KIAA0753: variants seen among roughly 807,000 people sequenced by gnomAD.
KIAA0753 encodes protein moonraker.
Under a neutral mutation model 116.9 loss-of-function variants are expected in KIAA0753, and 114 were observed. The ratio of observed to expected loss-of-function variants is 0.98; its 90% CI spans 0.84 to 1.14. KIAA0753 has a LOEUF of 1.14. Among genes scored for constraint, KIAA0753 ranks in the 50% most tolerant of loss-of-function variants. The pLI, the probability that KIAA0753 is intolerant of heterozygous loss-of-function variation, is 0.00. For synonymous variants in KIAA0753, 405 were observed against 413.1 expected (o/e 0.98, Z 0.24); for missense variants, 1,156 against 1,172.4 (o/e 0.99, Z 0.20).
At position 6,639,741 on chromosome 17, in the gene KIAA0753, G is replaced by C. The variant is rs765203399; in HGVS notation, c.-69+896C>G. The C allele has an allele frequency of 6.5e-6, 1 of 152,756 alleles. No homozygotes were observed. The highest frequency in any genetic ancestry group is 1.9e-4 in the East Asian group (1 of 5,174). 9.5% of individuals were successfully genotyped at this position (152,756 alleles called of 1,614,324 possible). On this transcript the variant is annotated intron_variant, in intron 1 of 18. Transcript: ENST00000361413. This position sits in a 1 kb window ranked among gnomAD's most constrained non-coding sequence, Gnocchi z 4.3. ...CGACAGGTCCCTCTCCTGCAGGCAC[G>C]GGATGGAGCTCGACTCTACTTCCTT...
rs1333855921 is a variant in KIAA0753 at position 6,635,101 on chromosome 17, CATA to C, written c.-1_2del. On this transcript the variant is annotated start_lost and start_retained_variant and 5_prime_UTR_variant, in exon 2 of 19. Coordinates refer to ENST00000361413, the MANE Select transcript of KIAA0753 (RefSeq NM_014804.3). ...AGGTTGAAGCTGGCTGGCCTGGTCC[CATA>C]ATGTCAGGTAGTACAGAACAATAGT... The C allele has an allele frequency of 1.2e-6, 2 of 1,611,514 alleles. No homozygotes were observed. The highest frequency in any genetic ancestry group is 1.7e-6 in the Non-Finnish European group (2 of 1,177,782).
At position 6,623,104 on chromosome 17, in the gene KIAA0753, A is replaced by G. The variant is rs370844133; in HGVS notation, c.889-7T>C. On this transcript the variant is annotated splice_polypyrimidine_tract_variant and splice_region_variant and intron_variant, in intron 5 of 18. Transcript: ENST00000361413. ...GCTTAGACATTGCCCATGACTGGTA[A>G]TAAACAAGATGAGAGAAGTTATTTC... 3.7e-6 allele frequency: 6 copies of G among 1,608,278 alleles called. No individual in the cohort carries two copies. The African/African-American group carries it at 8.0e-5, about 22-fold the overall frequency.
At chr17:6,628,087 G>C (rs536997457) in intron 3 of KIAA0753, 30 bp downstream of exon 3, 2 of 1,588,072 alleles carry the variant, frequency 1.3e-6, no homozygotes, top group Non-Finnish European at 1.7e-6. Context: ...CACAGCCTTA[G>C]GTCGAAGTAA....
At chr17:6,627,235 T>C (rs1364271002) in intron 3 of KIAA0753, among the ~76,000 whole-genome samples, 1 of 152,220 alleles carries the variant, frequency 6.6e-6, no homozygotes, top group African/African-American at 2.4e-5. Flanking sequence ...TCATCCCTAG[T>C]AAATGTTTTT....
chr17:6,630,638 T>C (rs1971968258), intron 2 of KIAA0753, among the ~76,000 whole-genome samples: 1 of 152,196 alleles, frequency 6.6e-6, no homozygotes, highest in Non-Finnish European at 1.5e-5. Flanking sequence ...CTCACTGCTA[T>C]ATTGTTTGTA....
chr17:6,620,644 G>T lies in KIAA0753; in HGVS notation c.1315+144C>A, dbSNP rs1471871167. The T allele has an allele frequency of 5.5e-6, 4 of 730,142 alleles. No individual in the cohort carries two copies. The South Asian group carries it at 6.7e-5, about 12-fold the overall frequency. The allele number at this position is 730,142 out of a possible 1,614,324, so 45.2% of individuals were successfully genotyped here. ...GCCTCCAGCCCCAGGAAACATCTTGGTTGCTATTTACTGATCCTAGTTAAA... is the reference window on the plus strand; with the variant it reads ...GCCTCCAGCCCCAGGAAACATCTTGTTTGCTATTTACTGATCCTAGTTAAA... On this transcript the variant is annotated intron_variant, in intron 7 of 18. Transcript: ENST00000361413.
chr17:6,629,470 A>T (rs1337686920), intron 2 of KIAA0753, among the ~76,000 whole-genome samples: 1 of 152,186 alleles, frequency 6.6e-6, no homozygotes, highest in Non-Finnish European at 1.5e-5. Flanking sequence ...TAATAGAAAT[A>T]TTACCTCAAT....
Position 6,608,463 on chromosome 17 carries a change from C to A in KIAA0753, c.1714G>T (p.Ala572Ser). The A allele has an allele frequency of 6.7e-7, 1 of 1,490,408 alleles. No individual in the cohort carries two copies. The highest frequency in any genetic ancestry group is 9.0e-7 in the Non-Finnish European group (1 of 1,105,984). The allele number at this position is 1,490,408 out of a possible 1,614,324, so 92.3% of individuals were successfully genotyped here. The change falls in exon 10 of 19, where the codon GCT (alanine) becomes TCT (serine). Residue 572 changes from alanine (A) to serine (S), a missense_variant and splice_region_variant. Ala to Ser is a moderately conservative substitution (Grantham distance 99, BLOSUM62 1). Coordinates refer to ENST00000361413, the MANE Select transcript of KIAA0753 (RefSeq NM_014804.3). ...CTAGTTTTCACCTTTAGCCATGCAG[C>A]ACTGAAATAAATGGAAAAGCATACC... ...PTSPPASPKC[A>S]AWLKVKTSPR...
chr17:6,631,617 T>C (rs1972026451), intron 2 of KIAA0753, among the ~76,000 whole-genome samples: 1 of 151,782 alleles, frequency 6.6e-6, no homozygotes, highest in Non-Finnish European at 1.5e-5. Context: ...AGGAAGGAGA[T>C]GAGAAAGTGT....
rs556370008 is a variant in KIAA0753, at chr17:6,620,828, C to T, written c.1275G>A (p.Gln425=). The change falls in exon 7 of 19, where the codon CAG becomes CAA. Residue 425 remains glutamine (Q), a synonymous_variant. Coordinates refer to ENST00000361413, the MANE Select transcript of KIAA0753 (RefSeq NM_014804.3). ...TTGCTACAGAAGGTCGACTTGTTTC[C>T]TGTGGGAATGTGTCCTTTGCTGTGA... is the stretch of plus-strand genomic sequence containing the variant. The part of the protein sequence containing the change: ...RPLTAKDTFP[Q]ETSRPSVAKQ... 6 of 1,614,166 alleles carry T rather than the reference C, an allele frequency of 3.7e-6. No individual in the cohort carries two copies. In the East Asian group the frequency reaches 1.3e-4, roughly 36 times the overall value.
intron 8 of KIAA0753, 45 bp downstream of exon 8, chr17:6,611,874 G>A (rs775563798): frequency 2.5e-5 from 38 of 1,531,904 alleles, no homozygotes; most frequent in Non-Finnish European, 6.3e-6. Context: ...CCTTGACAAT[G>A]TCAGATTAAC....
chr17:6,590,707 G>T, intron 16 of KIAA0753, 77 bp from the exon 17 acceptor site: 1 of 1,518,110 alleles, frequency 6.6e-7, no homozygotes, highest in Non-Finnish European at 9.1e-7. Flanking sequence ...TAGTGGCCAA[G>T]AACCTGAGAG....
intron 2 of KIAA0753, among the ~76,000 whole-genome samples, chr17:6,630,841 T>C (rs955281315): frequency 6.6e-6 from 1 of 152,188 alleles, no homozygotes; most frequent in Non-Finnish European, 1.5e-5. Context: ...AAAAAGTATA[T>C]TTATAATACA....
rs773708871 is a variant in KIAA0753 at position 6,606,893 on chromosome 17, C to T, written c.1989G>A (p.Met663Ile). 1 of 1,613,948 alleles carries T rather than the reference C, an allele frequency of 6.2e-7. No individual in the cohort carries two copies. The highest frequency in any genetic ancestry group is 8.5e-7 in the Non-Finnish European group (1 of 1,179,824). The change falls in exon 12 of 19, where the codon ATG (methionine) becomes ATA (isoleucine). Residue 663 changes from methionine to isoleucine, a missense_variant. Transcript: ENST00000361413. ...KELNELKAEE[M>I]YRLQQLSVSA... Reference sequence around the variant, plus strand: ...CATACCTCAATTGTTGGAGTCTATACATTTCTTCAGCTTTGAGCTCATTCA... The same window carrying T: ...CATACCTCAATTGTTGGAGTCTATATATTTCTTCAGCTTTGAGCTCATTCA...
chr17:6,625,397 T>C (rs1404632107), intron 3 of KIAA0753, among the ~76,000 whole-genome samples: 1 of 152,146 alleles, frequency 6.6e-6, no homozygotes, highest in Non-Finnish European at 1.5e-5. Flanking sequence ...CCAGGAGTGG[T>C]GGCTCACCCC....
chr17:6,590,402 T>G, intron 17 of KIAA0753, 108 bp downstream of exon 17: 1 of 1,368,068 alleles, frequency 7.3e-7, no homozygotes, highest in Non-Finnish European at 1.0e-6. Flanking sequence ...AAGATCTTGC[T>G]CAAAGGAAGA....
At chr17:6,598,647 A>C (rs776787180) in intron 14 of KIAA0753, among the ~76,000 whole-genome samples, 4 of 152,246 alleles carry the variant, frequency 2.6e-5, no homozygotes, top group Non-Finnish European at 4.4e-5. Context: ...CTGCAGCTCT[A>C]AGCCTAGGCA....
Position 6,580,012 on chromosome 17 carries a change from G to C in KIAA0753, c.2787-148C>G, listed in dbSNP as rs375546300. On this transcript the variant is annotated intron_variant, in intron 18 of 18. Coordinates refer to ENST00000361413, the MANE Select transcript of KIAA0753 (RefSeq NM_014804.3). Reference sequence around the variant, plus strand: ...AGCCTGGCCAACATGGTGAAACCCGGTCTCTACTAAAAATACATAAAATTA... The same window carrying C: ...AGCCTGGCCAACATGGTGAAACCCGCTCTCTACTAAAAATACATAAAATTA... The C allele has an allele frequency of 2.9e-5, 17 of 576,570 alleles. No individual in the cohort carries two copies. In the African/African-American group the frequency reaches 3.0e-4, roughly 10 times the overall value. 35.7% of individuals were successfully genotyped at this position (576,570 alleles called of 1,614,324 possible).
chr17:6,619,019 A>C (rs1971118701), intron 7 of KIAA0753, among the ~76,000 whole-genome samples: 1 of 152,164 alleles, frequency 6.6e-6, no homozygotes, highest in Non-Finnish European at 1.5e-5. Context: ...ACTTGAGGTC[A>C]GGAGTTCAAG....
Sources: allele counts gnomAD v4.1 joint callset (sites outside exome capture counted in the v4.1 genomes callset), GRCh38; gene constraint gnomAD v4.1.1; non-coding constraint Gnocchi (gnomAD v3.1); transcripts MANE v1.5; gene names NCBI Gene and HGNC (gene_info 2026-07-23, HGNC 2026-07-21).